Variants in SCUBE1 observed in about 807,000 individuals in gnomAD.
SCUBE1 encodes signal peptide, CUB and EGF-like domain-containing protein 1.
SCUBE1 carries 59 observed loss-of-function variants against 124.4 expected under a neutral mutation model. That is an observed-to-expected ratio of 0.47 (90% confidence interval 0.38 to 0.59). The LOEUF is 0.59. SCUBE1 is among the 20% of genes least tolerant of loss of function. SCUBE1 has a pLI of 0.00. For synonymous variants in SCUBE1, 545 were observed against 550.9 expected, an observed-to-expected ratio of 0.99 and a Z score of 0.15; for missense variants, 1,150 against 1,371.2, an observed-to-expected ratio of 0.84 and a Z score of 2.55.
At chr22:43,317,248 T>C (rs2146781498) in intron 3 of SCUBE1, 1 of 152,432 alleles carries the variant, frequency 6.6e-6, no homozygotes, top group East Asian at 1.9e-4. Context: ...GCTGGAGTAG[T>C]AATGCCTGCG....
chr22:43,235,831 T>C (rs898670428), intron 7 of SCUBE1, among the ~76,000 whole-genome samples: 9 of 151,934 alleles, frequency 5.9e-5, no homozygotes, highest in Admixed American at 4.6e-4. Context: ...AGGGACCGAT[T>C]AGCAAGATAA....
chr22:43,264,372 G>A (rs552180823), intron 4 of SCUBE1, among the ~76,000 whole-genome samples: 11 of 152,330 alleles, frequency 7.2e-5, no homozygotes, highest in Non-Finnish European at 1.2e-4. Flanking sequence ...GGCAATAAGA[G>A]ACGAGGTCTG....
intron 2 of SCUBE1, among the ~76,000 whole-genome samples, chr22:43,328,920 T>C (rs1926814365): frequency 1.3e-5 from 2 of 152,226 alleles, no homozygotes; most frequent in Non-Finnish European, 2.9e-5. Context: ...AAACTTGTCT[T>C]TCCCAAGATC....
intron 20 of SCUBE1, among the ~76,000 whole-genome samples, 165 bp downstream of exon 20, chr22:43,207,907 A>C (rs1400247117): frequency 6.6e-6 from 1 of 151,894 alleles, no homozygotes; most frequent in Non-Finnish European, 1.5e-5. Flanking sequence ...ACCCGGTACC[A>C]CCCTCAGCCT....
chr22:43,297,378 G>A (rs770120770), intron 3 of SCUBE1, among the ~76,000 whole-genome samples: 28 of 152,206 alleles, frequency 1.8e-4, no homozygotes, highest in Non-Finnish European at 3.7e-4. Flanking sequence ...GGGTCTCTGG[G>A]GTCAGGTCCC....
intron 4 of SCUBE1, among the ~76,000 whole-genome samples, chr22:43,288,455 C>G (rs922269461): frequency 1.3e-5 from 2 of 152,214 alleles, no homozygotes; most frequent in Non-Finnish European, 2.9e-5. Flanking sequence ...CCACAGCCCA[C>G]CAGGCCCCAT....
intron 16 of SCUBE1, 43 bp downstream of exon 16, chr22:43,214,047 G>GGCCCCCCCCCCC: frequency 7.0e-6 from 1 of 143,436 alleles, no homozygotes. Flanking sequence ...AGGAGCCCCC[G>GGCCCCCCCCCCC]CCCACCCCCC....
chr22:43,211,090 G>A lies in SCUBE1; in HGVS notation c.2222-7C>T. 1 of 1,604,474 alleles carries A rather than the reference G, an allele frequency of 6.2e-7. No homozygotes were observed. The highest frequency in any genetic ancestry group is 8.5e-7 in the Non-Finnish European group (1 of 1,175,206). ...TGGCCGGGGGAGCAGTGCACTGCCG[G>A]GGGACACAAGGCAGTGTGGTGGGTG... On this transcript the variant is annotated splice_polypyrimidine_tract_variant and splice_region_variant and intron_variant, in intron 17 of 21. Transcript: ENST00000360835. The surrounding 1 kb of genome is among the most constrained non-coding windows in gnomAD (Gnocchi z 4.5).
intron 3 of SCUBE1, among the ~76,000 whole-genome samples, chr22:43,315,070 A>G (rs750688783): frequency 2.0e-5 from 3 of 152,192 alleles, no homozygotes; most frequent in East Asian, 3.9e-4. Flanking sequence ...AAATAATTTA[A>G]TAAGAACAAA....
At chr22:43,250,932 A>G (rs1458636081) in intron 6 of SCUBE1, among the ~76,000 whole-genome samples, 1 of 152,156 alleles carries the variant, frequency 6.6e-6, no homozygotes, top group African/African-American at 2.4e-5. Flanking sequence ...GGGGCCCCGG[A>G]CTTGGGAGTC....
Position 43,291,053 on chromosome 22 carries a change from G to A in SCUBE1, c.477C>T (p.Arg159=), listed in dbSNP as rs760646704. The A allele has an allele frequency of 8.1e-6, 13 of 1,608,328 alleles. No individual in the cohort carries two copies. The highest frequency in any genetic ancestry group is 1.0e-5 in the Non-Finnish European group (12 of 1,176,532). ...AGCATAGGCTGTACTCACCATTGGA[G>A]CGGTGGATGCAGGTATGCTGGTTGT... ...LSDNQHTCIH[R]SNEGMNCMNK... is the part of the protein sequence containing the mutation. The change falls in exon 4 of 22, where the codon CGC becomes CGT. Residue 159 remains arginine, a synonymous_variant. Coordinates refer to ENST00000360835, the MANE Select transcript of SCUBE1 (RefSeq NM_173050.5).
chr22:43,262,796 C>T lies in SCUBE1; in HGVS notation c.534G>A (p.Arg178=). 1 of 1,614,190 alleles carries T rather than the reference C, an allele frequency of 6.2e-7. No homozygotes were observed. Among genetic ancestry groups the T allele is most frequent in the Non-Finnish European group, 8.5e-7 (1 of 1,180,018 alleles). The change falls in exon 5 of 22, where the codon CGG becomes CGA. Residue 178 remains arginine, a synonymous_variant. Coordinates refer to ENST00000360835, the MANE Select transcript of SCUBE1 (RefSeq NM_173050.5). The part of the protein sequence containing the change: ...NKDHGCAHIC[R]ETPKGGVACD... ...AGGCCACCCCACCTTTGGGCGTCTC[C>T]CGGCAGATGTGGGCACAGCCATGGT...
chr22:43,324,813 G>GT (rs1926669393), intron 2 of SCUBE1, among the ~76,000 whole-genome samples: 2 of 151,558 alleles, frequency 1.3e-5, no homozygotes, highest in Non-Finnish European at 2.9e-5. Flanking sequence ...CTCTATGGAT[G>GT]TTTATTCTTA....
At chr22:43,336,338 G>A (rs759450947) in intron 2 of SCUBE1, among the ~76,000 whole-genome samples, 13 of 152,026 alleles carry the variant, frequency 8.6e-5, no homozygotes, top group Non-Finnish European at 1.8e-4. Flanking sequence ...GGGCCAGAAC[G>A]AGCCCTTCCA....
intron 10 of SCUBE1, among the ~76,000 whole-genome samples, chr22:43,224,727 G>GTGTTTA (rs1569500660): frequency 6.6e-6 from 1 of 152,206 alleles, no homozygotes; most frequent in Non-Finnish European, 1.5e-5. Flanking sequence ...TCAGGTCACT[G>GTGTTTA]ACTGCACGGC....
chr22:43,341,146 C>T (rs539393717), intron 1 of SCUBE1, among the ~76,000 whole-genome samples: 35 of 141,412 alleles, frequency 2.5e-4, no homozygotes, highest in African/African-American at 4.0e-4. Context: ...CATTGCTTTC[C>T]GGGGGGGGCT....
At chr22:43,251,240 G>A (rs1923435082) in intron 6 of SCUBE1, among the ~76,000 whole-genome samples, 1 of 152,206 alleles carries the variant, frequency 6.6e-6, no homozygotes, top group Non-Finnish European at 1.5e-5. Context: ...TGGGTGGGGT[G>A]CATCCCACAT....
chr22:43,331,001 G>C (rs1405849546), intron 2 of SCUBE1, among the ~76,000 whole-genome samples: 1 of 152,090 alleles, frequency 6.6e-6, no homozygotes, highest in East Asian at 1.9e-4. Flanking sequence ...CAAAAAGCAG[G>C]ATTTTATCTG....
chr22:43,277,162 G>T (rs963276641), intron 4 of SCUBE1, among the ~76,000 whole-genome samples: 1 of 152,126 alleles, frequency 6.6e-6, no homozygotes, highest in African/African-American at 2.4e-5. Flanking sequence ...CTCAGTGAGC[G>T]ATGGTCAGTC....
Sources: allele counts gnomAD v4.1 joint callset (sites outside exome capture counted in the v4.1 genomes callset), GRCh38; gene constraint gnomAD v4.1.1; non-coding constraint Gnocchi (gnomAD v3.1); transcripts MANE v1.5; gene names NCBI Gene and HGNC (gene_info 2026-07-23, HGNC 2026-07-21).